SRGAP3: variants seen among roughly 807,000 people sequenced by gnomAD.
SRGAP3 encodes the protein SLIT-ROBO Rho GTPase-activating protein 3.
In SRGAP3, 39 loss-of-function variants were observed where a neutral mutation model predicts 121.1. The ratio of observed to expected loss-of-function variants is 0.32; its 90% CI spans 0.25 to 0.42. SRGAP3 has a LOEUF of 0.42. SRGAP3 is among the 10% of genes least tolerant of loss of function. The pLI is 1.00. For missense variants in SRGAP3, 1,213 were observed against 1,470.6 expected (o/e 0.82, Z 2.86); for synonymous variants, 601 against 570.0 (o/e 1.05, Z -0.77).
At chr3:9,038,979 G>A (rs186102338) in intron 10 of SRGAP3, among the ~76,000 whole-genome samples, 51 of 152,174 alleles carry the variant, frequency 3.4e-4, no homozygotes, top group African/African-American at 1.2e-3. Flanking sequence ...ATTCCCTGAA[G>A]GAGATGTCTG....
At chr3:9,043,772 C>G (rs1945128322) in intron 10 of SRGAP3, among the ~76,000 whole-genome samples, 1 of 152,100 alleles carries the variant, frequency 6.6e-6, no homozygotes, top group African/African-American at 2.4e-5. Context: ...CCATTTTGCT[C>G]TGTGATGGGC....
intron 1 of SRGAP3, chr3:9,194,133 T>C (rs1951849493): frequency 6.6e-6 from 1 of 151,708 alleles, no homozygotes; most frequent in Admixed American, 6.6e-5. Context: ...AGAGAATAGG[T>C]GGAAGGGGAG....
At chr3:9,020,740 G>A (rs532023559) in intron 14 of SRGAP3, among the ~76,000 whole-genome samples, 17 of 152,350 alleles carry the variant, frequency 1.1e-4, no homozygotes, top group African/African-American at 3.8e-4. Context: ...TTTTGGCTCT[G>A]AGAATGGAAT....
At chr3:9,020,968 G>A (rs951690418) in intron 14 of SRGAP3, among the ~76,000 whole-genome samples, 22 of 152,230 alleles carry the variant, frequency 1.4e-4, no homozygotes, top group African/African-American at 4.3e-4. Context: ...ACAGGGCTGT[G>A]CCCAGGGCAG....
intron 3 of SRGAP3, among the ~76,000 whole-genome samples, chr3:9,262,479 C>T (rs962544740): frequency 1.7e-5 from 2 of 118,124 alleles, no homozygotes; most frequent in Non-Finnish European, 3.3e-5. Flanking sequence ...CGTGCAAAGA[C>T]ACACATAGGC....
chr3:9,055,168 T>C lies in SRGAP3; in HGVS notation c.1125+1065A>G, dbSNP rs1945761637. 2.6e-5 allele frequency among the ~76,000 whole-genome samples: 4 copies of C among 152,236 alleles called. No individual in the cohort carries two copies. The South Asian group carries it at 8.3e-4, about 32-fold the overall frequency. ...AATTTGTCTCCATACAACCTCCCCCTGGGGACTGCACTGATTTGCTATCAT... is the reference window on the plus strand; with the variant it reads ...AATTTGTCTCCATACAACCTCCCCCCGGGGACTGCACTGATTTGCTATCAT... On this transcript the variant is annotated intron_variant, in intron 8 of 21. Coordinates refer to ENST00000383836, the MANE Select transcript of SRGAP3 (RefSeq NM_014850.4).
intron 1 of SRGAP3, among the ~76,000 whole-genome samples, chr3:9,195,579 G>A (rs1438946320): frequency 2.0e-5 from 3 of 152,056 alleles, no homozygotes; most frequent in African/African-American, 7.2e-5. Context: ...TCCTTCTGTT[G>A]CCACCTCCTT....
chr3:9,113,066 C>T (rs1948687085), intron 2 of SRGAP3, among the ~76,000 whole-genome samples: 1 of 152,196 alleles, frequency 6.6e-6, no homozygotes, highest in African/African-American at 2.4e-5. Flanking sequence ...GGCCAGAGGG[C>T]AGACAGGGAC....
intron 3 of SRGAP3, among the ~76,000 whole-genome samples, chr3:9,091,718 G>A (rs886935016): frequency 6.6e-6 from 1 of 152,042 alleles, no homozygotes; most frequent in Non-Finnish European, 1.5e-5. Flanking sequence ...GCCAATAACC[G>A]GGCTATCGGC....
chr3:9,168,476 T>C (rs1950870298), intron 1 of SRGAP3, among the ~76,000 whole-genome samples: 1 of 152,356 alleles, frequency 6.6e-6, no homozygotes, highest in Admixed American at 6.5e-5. Context: ...ACATCACGCA[T>C]GAGCAGGATG....
rs779876755 is a variant in SRGAP3 at position 9,013,788 on chromosome 3, A to G, written c.1868T>C (p.Leu623Pro). ...VHQIQQILVT[L>P]PRVVIVVMRY... ...CATGACCACAATGACCACGCGGGGA[A>G]GGGTGACGAGGATTTGTTGGATCTG... Residue 623 changes from leucine to proline, a missense_variant, in exon 16 of 22, where the codon CTT (leucine) becomes CCT (proline). Coordinates refer to ENST00000383836, the MANE Select transcript of SRGAP3 (RefSeq NM_014850.4). The G allele has an allele frequency of 1.9e-6, 3 of 1,614,174 alleles. No individual in the cohort carries two copies. Among genetic ancestry groups the G allele is most frequent in the Non-Finnish European group, 2.5e-6 (3 of 1,180,020 alleles).
intron 1 of SRGAP3, chr3:9,362,734 G>A (rs904337668): frequency 6.6e-6 from 1 of 152,154 alleles, no homozygotes; most frequent in African/African-American, 2.4e-5. Context: ...AAGCTGGAGA[G>A]ACTCGGTGTC....
chr3:9,243,748 T>G (rs546876224), intron 1 of SRGAP3, among the ~76,000 whole-genome samples: 8 of 152,256 alleles, frequency 5.3e-5, no homozygotes, highest in African/African-American at 1.9e-4. Flanking sequence ...GAAAATTGGC[T>G]GAGGCCCCTC....
intron 1 of SRGAP3, among the ~76,000 whole-genome samples, chr3:9,209,872 CA>C (rs1560423268): frequency 1.3e-5 from 2 of 152,090 alleles, no homozygotes; most frequent in African/African-American, 4.8e-5. Context: ...TCACAATAGC[CA>C]AAAACTGGAA....
chr3:9,227,040 T>C (rs950928075), intron 1 of SRGAP3, among the ~76,000 whole-genome samples: 9 of 152,094 alleles, frequency 5.9e-5, no homozygotes, highest in African/African-American at 1.9e-4. Flanking sequence ...ATGAGCAAAG[T>C]GGGCCAGGTG....
At chr3:9,268,799 C>G (rs1954418384) in intron 3 of SRGAP3, among the ~76,000 whole-genome samples, 1 of 152,172 alleles carries the variant, frequency 6.6e-6, no homozygotes. Context: ...TAAATCAGGT[C>G]ACACTGGCCC....
chr3:9,060,398 T>C, intron 5 of SRGAP3, 39 bp from the exon 6 acceptor site: 2 of 1,606,550 alleles, frequency 1.2e-6, no homozygotes, highest in Non-Finnish European at 1.7e-6. Flanking sequence ...GCAAGCCATT[T>C]AAGAGGACGG....
rs760505599 is a variant in SRGAP3, at chr3:9,058,427, T to C, written c.847A>G (p.Thr283Ala). Reference sequence around the variant, plus strand: ...AGGTTGTATTCAGCTGAGAGATAGGTCCGGAAGGTGCGGGCCAGGCTGGCA... The same window carrying C: ...AGGTTGTATTCAGCTGAGAGATAGGCCCGGAAGGTGCGGGCCAGGCTGGCA... ...FHASLARTFRTYLSAEYNLET... is the reference protein window; with the variant it reads ...FHASLARTFRAYLSAEYNLET... Residue 283 changes from threonine (T) to alanine (A), a missense_variant, in exon 7 of 22, where the codon ACC becomes GCC. Thr to Ala is a moderately conservative substitution (Grantham distance 58). Around this residue, in one of 2 missense-constraint regions of SRGAP3, gnomAD observed 793 missense variants for 1,032.9 expected, o/e 0.77. Coordinates refer to ENST00000383836, the MANE Select transcript of SRGAP3 (RefSeq NM_014850.4). The C allele has an allele frequency of 6.2e-7, 1 of 1,613,934 alleles. No homozygotes were observed. Among genetic ancestry groups the C allele is most frequent in the African/African-American group, 1.3e-5 (1 of 74,858 alleles).
At chr3:9,033,462 C>T (rs1430361391) in intron 11 of SRGAP3, 6 of 151,466 alleles carry the variant, frequency 4.0e-5, no homozygotes, top group East Asian at 3.9e-4. Context: ...CTTGCCCTGT[C>T]GCCCAGGCTG....
Sources: gnomAD v4.1 joint callset for allele counts (sites outside exome capture counted in the v4.1 genomes callset) on GRCh38, gnomAD v4.1.1 for gene constraint, gnomAD v4.1.1 regional missense constraint, MANE v1.5 for transcripts, NCBI Gene and HGNC (gene_info 2026-07-23, HGNC 2026-07-21) for gene names.